The following ZNF333 variants were observed in gnomAD, a reference collection of about 807,000 sequenced individuals.
ZNF333 encodes the protein zinc finger protein 333.
A neutral mutation model predicts 76.1 loss-of-function variants in ZNF333; 61 were observed. That is an observed-to-expected ratio of 0.80 (90% CI 0.65 to 0.99). ZNF333 has a LOEUF of 0.99. ZNF333 is among the 50% of genes least tolerant of loss of function. The pLI is 0.00. For missense variants in ZNF333, 717 were observed against 822.4 expected (o/e 0.87, Z 1.57); for synonymous variants, 284 against 305.0 (o/e 0.93, Z 0.72).
At chr19:14,701,568 C>T in intron 5 of ZNF333, 1 of 985,458 alleles carries the variant, frequency 1.0e-6, no homozygotes, top group South Asian at 4.7e-5. Flanking sequence ...ACCTCCATGT[C>T]TCTCTTGCTC....
intron 11 of ZNF333, 89 bp from the exon 12 acceptor site, chr19:14,718,139 C>A: frequency 6.7e-7 from 1 of 1,496,744 alleles, no homozygotes; most frequent in Non-Finnish European, 8.9e-7. Context: ...AGATATAGAA[C>A]TGTCTTTTTC....
At chr19:14,728,428 G>A (rs1263448940) in intron 11 of ZNF333, among the ~76,000 whole-genome samples, 1 of 152,106 alleles carries the variant, frequency 6.6e-6, no homozygotes, top group East Asian at 1.9e-4. Flanking sequence ...TCATCCCTGA[G>A]GTCTCTTCTG....
intron 10 of ZNF333, 173 bp downstream of exon 10, chr19:14,717,262 T>C: frequency 1.7e-6 from 1 of 580,700 alleles, no homozygotes. Flanking sequence ...TTTTAATCTC[T>C]AAAACTTTGC....
chr19:14,719,912 A>T lies in ZNF333; in HGVS notation c.*587A>T. On this transcript the variant is annotated 3_prime_UTR_variant, in exon 12 of 12. Coordinates refer to ENST00000292530, the MANE Select transcript of ZNF333 (RefSeq NM_032433.4). ...AAAAGCTTCCATCTCCCGGCTGGGC[A>T]CGGTGGCTCATGCCTCTAATCCCAG... is the stretch of plus-strand genomic sequence containing the variant. 1 of 985,404 alleles carries T rather than the reference A, an allele frequency of 1.0e-6. No individual in the cohort carries two copies. Among genetic ancestry groups the T allele is most frequent in the African/African-American group, 1.7e-5 (1 of 57,282 alleles). The allele number at this position is 985,404 out of a possible 1,614,324, so 61.0% of individuals were successfully genotyped here. A position where few individuals can be genotyped will look rare whatever the true frequency, so the allele number is the denominator to read the frequency against.
At chr19:14,723,180 T>C (rs2147035795), downstream of ZNF333, among the ~76,000 whole-genome samples, 1 of 152,364 alleles carries the variant, frequency 6.6e-6, no homozygotes, top group Admixed American at 6.5e-5. Flanking sequence ...TTGAAGACTG[T>C]CCTTTCCCCA....
At chr19:14,691,536 A>G (rs145192222) in intron 1 of ZNF333, among the ~76,000 whole-genome samples, 37 of 152,240 alleles carry the variant, frequency 2.4e-4, no homozygotes, top group Non-Finnish European at 7.4e-5. Flanking sequence ...GTTTCCACAA[A>G]GAATATATGC....
intron 6 of ZNF333, chr19:14,706,062 G>A (rs533413283): frequency 8.5e-5 from 39 of 457,000 alleles, no homozygotes; most frequent in Admixed American, 8.0e-4. Flanking sequence ...TCCTGCTAGC[G>A]TTATTTCCAA....
chr19:14,695,718 G>C, intron 4 of ZNF333, 57 bp downstream of exon 4: 1 of 1,516,446 alleles, frequency 6.6e-7, no homozygotes, highest in South Asian at 1.1e-5. Context: ...GGTGTGCCTT[G>C]GGAAGTGTCA....
chr19:14,731,028 T>C lies in ZNF333; in HGVS notation c.901-147T>C, dbSNP rs1373734256. ...CCCAGAATGCCCTAAATAGCAGATA[T>C]TTAGGACATTCATAGGCAGTCCCTT... On this transcript the variant is annotated intron_variant, in intron 11 of 11. Transcript: ENST00000540689. 10 of 677,814 alleles carry C rather than the reference T, an allele frequency of 1.5e-5. No homozygotes were observed. The East Asian group carries it at 2.7e-4, about 18-fold the overall frequency. 42.0% of individuals were successfully genotyped at this position (677,814 alleles called of 1,614,324 possible).
chr19:14,718,759 T>G lies in ZNF333; in HGVS notation c.1432T>G (p.Phe478Val). 2 of 1,614,096 alleles carry G rather than the reference T, an allele frequency of 1.2e-6. No homozygotes were observed. The highest frequency in any genetic ancestry group is 1.7e-6 in the Non-Finnish European group (2 of 1,180,002). The change falls in exon 12 of 12, where the codon TTT becomes GTT. Residue 478 changes from phenylalanine (F) to valine (V), a missense_variant. Phe to Val is a conservative substitution (Grantham distance 50, BLOSUM62 -1). Coordinates refer to ENST00000292530, the MANE Select transcript of ZNF333 (RefSeq NM_032433.4). ...HVRTHTGEKP[F>V]ECSQCGKAFR... is the part of the protein sequence containing the mutation. The stretch of plus-strand genomic sequence containing the variant: ...GAGAACTCACACTGGAGAGAAGCCC[T>G]TTGAATGCAGCCAGTGTGGGAAAGC...
In ZNF333 at chr19:14,694,908, G is replaced by A. The variant is rs908148485; in HGVS notation, c.4-102G>A. The A allele has an allele frequency of 3.2e-6, 5 of 1,551,228 alleles. No homozygotes were observed. In the African/African-American group the frequency reaches 4.1e-5, roughly 13 times the overall value. On this transcript the variant is annotated intron_variant, in intron 2 of 11. Coordinates refer to ENST00000292530, the MANE Select transcript of ZNF333 (RefSeq NM_032433.4). ...ATAGGCTTTAGGCTGGATTTTCCAT[G>A]CCTGCTGTGTCTGAACATTTTCTCT...
At chr19:14,713,820 G>T (rs2042346489) in intron 7 of ZNF333, among the ~76,000 whole-genome samples, 1 of 152,120 alleles carries the variant, frequency 6.6e-6, no homozygotes, top group Non-Finnish European at 1.5e-5. Context: ...AATTAACAGG[G>T]TGTGGTGGTG....
intron 7 of ZNF333, among the ~76,000 whole-genome samples, chr19:14,714,146 T>C (rs937560884): frequency 1.3e-5 from 2 of 151,818 alleles, no homozygotes; most frequent in Non-Finnish European, 2.9e-5. Context: ...AATGAAGAGA[T>C]AGAGGTAGCC....
At chr19:14,696,167 T>G (rs960235359) in intron 4 of ZNF333, among the ~76,000 whole-genome samples, 2 of 152,072 alleles carry the variant, frequency 1.3e-5, no homozygotes, top group Non-Finnish European at 2.9e-5. Context: ...CGAGACTCTG[T>G]CTCCAAAAAA....
At chr19:14,718,102 A>C in intron 11 of ZNF333, 126 bp from the exon 12 acceptor site, 1 of 1,288,524 alleles carries the variant, frequency 7.8e-7, no homozygotes, top group Non-Finnish European at 1.0e-6. Flanking sequence ...TAGAAATGGT[A>C]TGGACTCCAT....
chr19:14,715,581 A>G, intron 8 of ZNF333, 111 bp downstream of exon 8: 1 of 1,018,230 alleles, frequency 9.8e-7, no homozygotes, highest in Non-Finnish European at 1.5e-6. Context: ...CCATGCTTTC[A>G]GGGACTGGGC....
Position 14,718,745 on chromosome 19 carries a change from C to G in ZNF333, c.1418C>G (p.Thr473Ser). The G allele has an allele frequency of 6.2e-7, 1 of 1,613,978 alleles. No individual in the cohort carries two copies. The highest frequency in any genetic ancestry group is 8.5e-7 in the Non-Finnish European group (1 of 1,179,992). ...SSLRSHVRTHTGEKPFECSQC... is the reference protein window; with the variant it reads ...SSLRSHVRTHSGEKPFECSQC... ...CTCAGGAGCCACGTGAGAACTCACA[C>G]TGGAGAGAAGCCCTTTGAATGCAGC... is the stretch of plus-strand genomic sequence containing the variant. The change falls in exon 12 of 12, where the codon ACT becomes AGT. Residue 473 changes from threonine (T) to serine (S), a missense_variant. Physicochemically the swap from Thr to Ser is moderately conservative, Grantham distance 58. Coordinates refer to ENST00000292530, the MANE Select transcript of ZNF333 (RefSeq NM_032433.4).
rs749972116 is a variant in ZNF333, at chr19:14,695,692, AC to A, written c.223+37del. 5.2e-5 allele frequency: 84 copies of A among 1,602,984 alleles called. No individual in the cohort carries two copies. The South Asian group carries it at 9.0e-4, about 17-fold the overall frequency. On this transcript the variant is annotated intron_variant, in intron 4 of 11. Transcript: ENST00000292530. ...TACCAGGCAGGCTGTGGATCCCCCG[AC>A]CCCCCTGGTTGGGTGGTGTGCCTTG...
intron 7 of ZNF333, among the ~76,000 whole-genome samples, chr19:14,710,986 G>A (rs1387635831): frequency 1.3e-5 from 2 of 151,646 alleles, no homozygotes; most frequent in African/African-American, 4.8e-5. Flanking sequence ...GGAGGGAAGG[G>A]AAGGGAAGGG....
Sources: gnomAD v4.1 joint callset for allele counts (sites outside exome capture counted in the v4.1 genomes callset) on GRCh38, gnomAD v4.1.1 for gene constraint, MANE v1.5 for transcripts, NCBI Gene and HGNC (gene_info 2026-07-23, HGNC 2026-07-21) for gene names.